DCC: variants seen among roughly 807,000 people sequenced by gnomAD.
DCC encodes the protein netrin receptor DCC.
In DCC, 58 loss-of-function variants were observed where a neutral mutation model predicts 172.5. The ratio of observed to expected loss-of-function variants is 0.34; its 90% CI spans 0.27 to 0.42. The LOEUF (loss-of-function observed/expected upper bound fraction) is 0.42. Ranked by LOEUF, DCC falls within the 10% of genes least tolerant of loss-of-function variation. The pLI is 1.00. For synonymous variants in DCC, 709 were observed against 644.5 expected, an observed-to-expected ratio of 1.10 and a Z score of -1.52; for missense variants, 1,740 against 1,791.0, an observed-to-expected ratio of 0.97 and a Z score of 0.51.
chr18:52,529,440 G>C (rs1394853622), intron 1 of DCC, among the ~76,000 whole-genome samples: 1 of 152,092 alleles, frequency 6.6e-6, no homozygotes, highest in East Asian at 1.9e-4. Context: ...ACAGGCGCCT[G>C]CCACCACGCC....
At chr18:53,177,602 C>T (rs1201990436) in intron 8 of DCC, among the ~76,000 whole-genome samples, 2 of 152,176 alleles carry the variant, frequency 1.3e-5, no homozygotes, top group East Asian at 1.9e-4. Flanking sequence ...CATCATCACC[C>T]ATATGGCTTC....
At chr18:53,450,226 A>G (rs1164085438) in intron 22 of DCC, among the ~76,000 whole-genome samples, 2 of 151,958 alleles carry the variant, frequency 1.3e-5, no homozygotes, top group African/African-American at 4.8e-5. Context: ...TTATCAGTCC[A>G]TAGACATTTA....
chr18:52,811,500 A>G (rs2038198045), intron 2 of DCC, among the ~76,000 whole-genome samples: 1 of 152,216 alleles, frequency 6.6e-6, no homozygotes, highest in Non-Finnish European at 1.5e-5. Context: ...AATTATATTG[A>G]AGAGGGACTC....
rs562603335 is a variant in DCC, at chr18:52,459,285, A to G, written c.91+118407A>G. On this transcript the variant is annotated intron_variant, in intron 1 of 28. Coordinates refer to ENST00000442544, the MANE Select transcript of DCC (RefSeq NM_005215.4). ...TCCATGTGGGTTTGTTGTACAGATT[A>G]TTTTGTCACCCAGGTACTAAGTCTA... Among the ~76,000 whole-genome samples the G allele has an allele frequency of 3.3e-5, 5 of 151,962 alleles. No homozygotes were observed. The East Asian group carries it at 7.8e-4, about 24-fold the overall frequency.
chr18:53,144,356 G>A (rs1323502063), intron 7 of DCC, among the ~76,000 whole-genome samples: 1 of 152,122 alleles, frequency 6.6e-6, no homozygotes, highest in Admixed American at 6.6e-5. Context: ...AGACATACTT[G>A]AGACTGGGTA....
At chr18:52,421,889 C>A (rs970843407) in intron 1 of DCC, among the ~76,000 whole-genome samples, 5 of 152,152 alleles carry the variant, frequency 3.3e-5, no homozygotes, top group Non-Finnish European at 5.9e-5. Flanking sequence ...CCTTATCCTG[C>A]CTTTATGCAA....
chr18:52,449,902 C>T (rs1007968989), intron 1 of DCC, among the ~76,000 whole-genome samples: 3 of 152,256 alleles, frequency 2.0e-5, no homozygotes, highest in African/African-American at 7.2e-5. Context: ...GTGAGGCCTC[C>T]CCAGCAATGC....
At chr18:53,107,399 T>C (rs1272367681) in intron 7 of DCC, among the ~76,000 whole-genome samples, 1 of 151,742 alleles carries the variant, frequency 6.6e-6, no homozygotes, top group African/African-American at 2.4e-5. Context: ...TTCTGGCCTT[T>C]CAAAAGAGAA....
intron 20 of DCC, among the ~76,000 whole-genome samples, chr18:53,411,456 T>G (rs536418439): frequency 1.3e-5 from 2 of 152,308 alleles, no homozygotes; most frequent in South Asian, 4.1e-4. Flanking sequence ...CTCTTAAATC[T>G]GTGACCACAT....
chr18:52,664,518 T>G (rs56125618), intron 1 of DCC, among the ~76,000 whole-genome samples: 19,915 of 132,010 alleles, frequency 0.15, 1,722 homozygotes, highest in Admixed American at 0.28. Context: ...TCACCCAGGC[T>G]AGAGTGCAGT....
At chr18:52,940,218 T>C (rs755776093) in intron 5 of DCC, among the ~76,000 whole-genome samples, 5 of 152,086 alleles carry the variant, frequency 3.3e-5, no homozygotes, top group Non-Finnish European at 7.4e-5. Flanking sequence ...CGAACAAAAG[T>C]AGGTTTAGTA....
intron 1 of DCC, among the ~76,000 whole-genome samples, chr18:52,481,372 TACA>T (rs2144583037): frequency 6.7e-6 from 1 of 149,930 alleles, no homozygotes; most frequent in East Asian, 1.9e-4. Flanking sequence ...CTTTCCACCT[TACA>T]ACATTTGCTA....
chr18:52,368,343 G>C (rs1402778684), intron 1 of DCC, among the ~76,000 whole-genome samples: 1 of 151,968 alleles, frequency 6.6e-6, no homozygotes, highest in African/African-American at 2.4e-5. Flanking sequence ...TAGTTGTTTT[G>C]GGGGCTGGAG....
At chr18:52,519,264 G>A (rs561565710) in intron 1 of DCC, among the ~76,000 whole-genome samples, 18 of 152,208 alleles carry the variant, frequency 1.2e-4, no homozygotes, top group African/African-American at 4.3e-4. Flanking sequence ...TCTGTGCCTG[G>A]GTTTTGCTTA....
At chr18:53,314,219 A>C (rs1217183671) in intron 13 of DCC, among the ~76,000 whole-genome samples, 1 of 152,240 alleles carries the variant, frequency 6.6e-6, no homozygotes, top group Non-Finnish European at 1.5e-5. Flanking sequence ...GGTAATGTCC[A>C]GACTGCTTCT....
intron 5 of DCC, among the ~76,000 whole-genome samples, chr18:52,953,635 AG>A (rs1260433013): frequency 6.6e-6 from 1 of 152,218 alleles, no homozygotes. Context: ...TTTATTTCAA[AG>A]CATTGACTAC....
intron 27 of DCC, among the ~76,000 whole-genome samples, chr18:53,522,879 C>A (rs923915433): frequency 5.3e-5 from 8 of 152,078 alleles, no homozygotes; most frequent in African/African-American, 1.7e-4. Context: ...ATTAAACCAC[C>A]AAAAGCAATG....
At chr18:52,507,956 C>T (rs933400534) in intron 1 of DCC, among the ~76,000 whole-genome samples, 3 of 151,990 alleles carry the variant, frequency 2.0e-5, no homozygotes, top group African/African-American at 7.3e-5. Flanking sequence ...CAAAAATTAG[C>T]CGTGCATGGT....
intron 21 of DCC, among the ~76,000 whole-genome samples, chr18:53,422,756 ACAGCAGC>A (rs1311245457): frequency 6.6e-6 from 1 of 152,196 alleles, no homozygotes; most frequent in Admixed American, 6.5e-5. Flanking sequence ...GGTTTGGATT[ACAGCAGC>A]CAGACTGCCG....
Sources: gnomAD v4.1 joint callset for allele counts (sites outside exome capture counted in the v4.1 genomes callset) on GRCh38, gnomAD v4.1.1 for gene constraint, MANE v1.5 for transcripts, NCBI Gene and HGNC (gene_info 2026-07-23, HGNC 2026-07-21) for gene names.